TSPAN18: variants seen among roughly 807,000 people sequenced by gnomAD.
TSPAN18 encodes the protein tetraspanin-18.
In TSPAN18, 14 loss-of-function variants were observed where a neutral mutation model predicts 27.3. The observed-to-expected ratio is 0.51, with a 90% confidence interval of 0.34 to 0.80. The LOEUF is 0.80. Among genes scored for constraint, TSPAN18 ranks in the 30% least tolerant of loss-of-function variants. The pLI is 0.01. For synonymous variants in TSPAN18, 143 were observed against 136.5 expected, an observed-to-expected ratio of 1.05 and a Z score of -0.33; for missense variants, 268 against 323.9, an observed-to-expected ratio of 0.83 and a Z score of 1.32.
intron 2 of TSPAN18, among the ~76,000 whole-genome samples, chr11:44,851,427 A>G (rs1857597822): frequency 6.6e-6 from 1 of 152,080 alleles, no homozygotes; most frequent in Non-Finnish European, 1.5e-5. Context: ...ATCCGTGGAG[A>G]CAGAAATAGA....
intron 2 of TSPAN18, among the ~76,000 whole-genome samples, chr11:44,807,825 T>C (rs1856634053): frequency 6.6e-6 from 1 of 152,166 alleles, no homozygotes; most frequent in South Asian, 2.1e-4. Context: ...CAGCTGAACA[T>C]CCCTGTGGAG....
chr11:44,776,951 C>T (rs917043130), intron 2 of TSPAN18, among the ~76,000 whole-genome samples: 1 of 152,186 alleles, frequency 6.6e-6, no homozygotes. Context: ...GCATGGGCAG[C>T]CTGGGGAGGA....
At chr11:44,756,868 C>A (rs2134872686) in intron 1 of TSPAN18, among the ~76,000 whole-genome samples, 1 of 152,314 alleles carries the variant, frequency 6.6e-6, no homozygotes, top group African/African-American at 2.4e-5. Context: ...TAATCCTACT[C>A]TGAATATGAG....
rs1858749330 is a variant in TSPAN18, at chr11:44,888,860, G to A, written c.-10-17547G>A. Among the ~76,000 whole-genome samples, 3 of 152,292 alleles carry A rather than the reference G, an allele frequency of 2.0e-5. No homozygotes were observed. The South Asian group carries it at 6.2e-4, about 32-fold the overall frequency. ...ACCACGAGGATGGTGATATAGTTTG[G>A]CTGTGTCCCCACCCAAATCTCATCT... is the stretch of plus-strand genomic sequence containing the variant. On this transcript the variant is annotated intron_variant, in intron 3 of 9. Coordinates refer to ENST00000520358, the MANE Select transcript of TSPAN18 (RefSeq NM_130783.5).
chr11:44,755,855 A>T (rs551306083), intron 1 of TSPAN18, among the ~76,000 whole-genome samples: 5 of 152,152 alleles, frequency 3.3e-5, no homozygotes, highest in African/African-American at 1.2e-4. Flanking sequence ...CGGGACTCAG[A>T]AGGGTGGCTA....
At chr11:44,729,373 GC>G (rs1854596961) in intron 1 of TSPAN18, among the ~76,000 whole-genome samples, 1 of 152,166 alleles carries the variant, frequency 6.6e-6, no homozygotes, top group Non-Finnish European at 1.5e-5. Context: ...CCCCTAGAAG[GC>G]CAGCGTTTCC....
chr11:44,896,511 G>T (rs372356741), intron 3 of TSPAN18, among the ~76,000 whole-genome samples: 2 of 152,124 alleles, frequency 1.3e-5, no homozygotes, highest in Non-Finnish European at 2.9e-5. Context: ...CACAGATGGG[G>T]CAGGCAGTTG....
chr11:44,787,047 T>TAC (rs1400265976), intron 2 of TSPAN18, among the ~76,000 whole-genome samples: 1 of 152,174 alleles, frequency 6.6e-6, no homozygotes, highest in Non-Finnish European at 1.5e-5. Flanking sequence ...TAGGAAGGCA[T>TAC]ACATATGATG....
intron 2 of TSPAN18, among the ~76,000 whole-genome samples, chr11:44,820,490 A>T (rs934977573): frequency 1.3e-5 from 2 of 152,234 alleles, no homozygotes; most frequent in Admixed American, 1.3e-4. Context: ...GGGAGGTGCC[A>T]CGTGGCACTT....
intron 2 of TSPAN18, among the ~76,000 whole-genome samples, chr11:44,790,284 C>T (rs1011334374): frequency 1.2e-4 from 17 of 147,176 alleles, no homozygotes; most frequent in African/African-American, 4.3e-4. Context: ...TGCATGTGTT[C>T]GTGTATGTGC....
At chr11:44,852,758 A>G (rs1348795073) in intron 2 of TSPAN18, among the ~76,000 whole-genome samples, 6 of 152,196 alleles carry the variant, frequency 3.9e-5, no homozygotes, top group Non-Finnish European at 5.9e-5. Flanking sequence ...GGGGGTTACT[A>G]TGCCCAAAAG....
chr11:44,914,966 C>T (rs1372722347), intron 5 of TSPAN18, among the ~76,000 whole-genome samples: 1 of 152,234 alleles, frequency 6.6e-6, no homozygotes, highest in Non-Finnish European at 1.5e-5. Flanking sequence ...AAGCACCGCA[C>T]CTGCATTACC....
chr11:44,815,686 G>C (rs1488360878), intron 2 of TSPAN18, among the ~76,000 whole-genome samples: 1 of 152,178 alleles, frequency 6.6e-6, no homozygotes, highest in Non-Finnish European at 1.5e-5. Context: ...GCCATGGTGA[G>C]TGCCCACAAA....
chr11:44,895,607 G>A (rs1229454365), intron 3 of TSPAN18, among the ~76,000 whole-genome samples: 1 of 152,186 alleles, frequency 6.6e-6, no homozygotes, highest in Non-Finnish European at 1.5e-5. Context: ...AGGGAAGTTG[G>A]GACACCACAA....
At chr11:44,906,911 CCT>C (rs1859474439) in intron 4 of TSPAN18, among the ~76,000 whole-genome samples, 1 of 152,214 alleles carries the variant, frequency 6.6e-6, no homozygotes, top group Non-Finnish European at 1.5e-5. Flanking sequence ...TAATCAGAAA[CCT>C]CTCTGGGAAT....
chr11:44,744,910 G>A (rs79492303), intron 1 of TSPAN18, among the ~76,000 whole-genome samples: 8,237 of 152,234 alleles, frequency 0.054, 301 homozygotes, highest in African/African-American at 0.098. Flanking sequence ...GCAGCTGAAG[G>A]GTGGATGAGC....
At chr11:44,753,614 G>GAATCTCAAAA (rs1354947318) in intron 1 of TSPAN18, among the ~76,000 whole-genome samples, 2 of 152,240 alleles carry the variant, frequency 1.3e-5, no homozygotes, top group Admixed American at 1.3e-4. Flanking sequence ...TGAGTTTTTT[G>GAATCTCAAAA]AGATCATGGA....
At chr11:44,898,927 A>G (rs1859159922) in intron 3 of TSPAN18, among the ~76,000 whole-genome samples, 1 of 152,218 alleles carries the variant, frequency 6.6e-6, no homozygotes, top group Admixed American at 6.5e-5. Flanking sequence ...TTTTACACGA[A>G]ACAGTTGGCT....
At chr11:44,794,800 C>T (rs1224261150) in intron 2 of TSPAN18, among the ~76,000 whole-genome samples, 2 of 152,154 alleles carry the variant, frequency 1.3e-5, no homozygotes, top group Non-Finnish European at 2.9e-5. Flanking sequence ...TATAAATGGG[C>T]ATAATAATGA....
Sources: gnomAD v4.1 joint callset for allele counts (sites outside exome capture counted in the v4.1 genomes callset) on GRCh38, gnomAD v4.1.1 for gene constraint, MANE v1.5 for transcripts, NCBI Gene and HGNC (gene_info 2026-07-23, HGNC 2026-07-21) for gene names.